DNAH2: variants seen among roughly 807,000 people sequenced by gnomAD.
The protein encoded by DNAH2 is dynein axonemal heavy chain 2, also known as axonemal beta dynein heavy chain 2.
In DNAH2, 323 loss-of-function variants were observed where a neutral mutation model predicts 523.5. That is an observed-to-expected ratio of 0.62 (90% CI 0.56 to 0.68). The LOEUF (loss-of-function observed/expected upper bound fraction) is 0.68. DNAH2 is among the 30% of genes least tolerant of loss of function. The pLI is 0.00. For synonymous variants in DNAH2, 2,093 were observed against 2,177.4 expected, an observed-to-expected ratio of 0.96 and a Z score of 1.08; for missense variants, 4,907 against 5,701.5, an observed-to-expected ratio of 0.86 and a Z score of 4.49.
chr17:7,787,061 C>A, intron 42 of DNAH2, 28 bp downstream of exon 42: 1 of 1,611,984 alleles, frequency 6.2e-7, no homozygotes, highest in Non-Finnish European at 8.5e-7. Context: ...CTCCTGGAGG[C>A]CTGCAGAGGC....
At position 7,786,542 on chromosome 17, in the gene DNAH2, C is replaced by T. The variant is rs2076739641; in HGVS notation, c.6349-28C>T. 6.2e-7 allele frequency: 1 copy of T among 1,603,168 alleles called. No homozygotes were observed. Among genetic ancestry groups the T allele is most frequent in the African/African-American group, 1.3e-5 (1 of 74,674 alleles). On this transcript the variant is annotated intron_variant, in intron 40 of 85. Transcript: ENST00000572933. This position sits in a 1 kb window ranked among gnomAD's most constrained non-coding sequence, Gnocchi z 7.5. ...AAGAGGGGTTTTTGTCCATCAGCAGCTAAAACCCCTTCCGGTGTCATTTTC... is the reference window on the plus strand; with the variant it reads ...AAGAGGGGTTTTTGTCCATCAGCAGTTAAAACCCCTTCCGGTGTCATTTTC...
intron 77 of DNAH2, among the ~76,000 whole-genome samples, chr17:7,826,599 G>T (rs1172084197): frequency 6.8e-6 from 1 of 146,958 alleles, no homozygotes; most frequent in African/African-American, 2.5e-5. Context: ...GAGCGCAGTG[G>T]CGCCATCTCG....
In DNAH2 at chr17:7,833,050, C is replaced by T. The variant is rs774508738; in HGVS notation, c.12979-21C>T. On this transcript the variant is annotated intron_variant, in intron 84 of 85. Transcript: ENST00000572933. ...CAATTGAAGTCTAGCTTCTCCCAGA[C>T]CTGCTCCCATTTCTCCCCAGGATGG... 3 of 1,613,358 alleles carry T rather than the reference C, an allele frequency of 1.9e-6. No homozygotes were observed. In the South Asian group the frequency reaches 3.3e-5, roughly 18 times the overall value.
rs761606786 is a variant in DNAH2, at chr17:7,774,766, G to A, written c.4509G>A (p.Leu1503=). ...CATCGCTCTTCTTCCCAGGCCTCCT[G>A]GACACATTGATAGAAATGAATACAA... ...ALRSTHHPGL[L]DTLIEMNTIL... The change falls in exon 29 of 86, where the codon CTG becomes CTA. Residue 1503 remains leucine (L), a synonymous_variant. Coordinates refer to ENST00000572933, the MANE Select transcript of DNAH2 (RefSeq NM_020877.5). 4.3e-6 allele frequency: 7 copies of A among 1,613,844 alleles called. No homozygotes were observed. The South Asian group carries it at 4.4e-5, about 10-fold the overall frequency.
In DNAH2 at chr17:7,824,108, G is replaced by T. The variant is rs2077949906; in HGVS notation, c.11479-13G>T. The T allele has an allele frequency of 6.4e-7, 1 of 1,560,724 alleles. No individual in the cohort carries two copies. Among genetic ancestry groups the T allele is most frequent in the East Asian group, 2.3e-5 (1 of 44,348 alleles). The stretch of plus-strand genomic sequence containing the variant: ...TGGCCTTCTGCCTGATGCTATACCT[G>T]TGCTTCTGGCAGGTGCTGGAGGATT... On this transcript the variant is annotated splice_polypyrimidine_tract_variant and intron_variant, in intron 75 of 85. Coordinates refer to ENST00000572933, the MANE Select transcript of DNAH2 (RefSeq NM_020877.5).
In DNAH2 at chr17:7,824,151, C is replaced by A; in HGVS notation, c.11509C>A (p.Leu3837Ile). The A allele has an allele frequency of 6.3e-7, 1 of 1,577,082 alleles. No individual in the cohort carries two copies. The highest frequency in any genetic ancestry group is 8.6e-7 in the Non-Finnish European group (1 of 1,164,350). ...GGAGGATTCAACCCCACGATCCCCA[C>A]TCGTGTTCATCCTGTCCCCTGGTGT... is the stretch of plus-strand genomic sequence containing the variant. ...VLEDSTPRSP[L>I]VFILSPGVDP... Residue 3837 changes from leucine to isoleucine, a missense_variant, in exon 76 of 86, where the codon CTC (leucine) becomes ATC (isoleucine). Leu to Ile is a conservative substitution (Grantham distance 5, BLOSUM62 2). This residue lies in a region of DNAH2 where 1,851 missense variants were observed against 2,139.4 expected (regional missense o/e 0.87). Coordinates refer to ENST00000572933, the MANE Select transcript of DNAH2 (RefSeq NM_020877.5).
chr17:7,757,086 C>G lies in DNAH2; in HGVS notation c.1905-5C>G, dbSNP rs778514183. On this transcript the variant is annotated splice_polypyrimidine_tract_variant and splice_region_variant and intron_variant, in intron 12 of 85. Transcript: ENST00000572933. ...CCCTCACTGCCTGGCTGCTCTCTCT[C>G]AAAGGTCCCTTCTGATTCTCTTTGC... is the stretch of plus-strand genomic sequence containing the variant. 2 of 1,614,092 alleles carry G rather than the reference C, an allele frequency of 1.2e-6. No homozygotes were observed. The highest frequency in any genetic ancestry group is 1.7e-6 in the Non-Finnish European group (2 of 1,179,956).
intron 59 of DNAH2, 64 bp from the exon 60 acceptor site, chr17:7,804,894 C>T (rs1226394809): frequency 3.7e-6 from 5 of 1,349,794 alleles, no homozygotes; most frequent in African/African-American, 2.9e-5. Flanking sequence ...TTTCCACCAA[C>T]ACCGTCACTC....
chr17:7,803,737 G>T (rs2077286049), intron 58 of DNAH2, among the ~76,000 whole-genome samples: 1 of 152,214 alleles, frequency 6.6e-6, no homozygotes, highest in Admixed American at 6.6e-5. Flanking sequence ...CACGTTGGGA[G>T]GCTGAGGTGG....
chr17:7,738,359 T>C (rs2075203152), intron 8 of DNAH2, among the ~76,000 whole-genome samples: 1 of 152,134 alleles, frequency 6.6e-6, no homozygotes, highest in Non-Finnish European at 1.5e-5. Context: ...AGACAGAGTC[T>C]TGGTCTGCCA....
chr17:7,722,187 C>CA, intron 2 of DNAH2, among the ~76,000 whole-genome samples: 1 of 144,482 alleles, frequency 6.9e-6, no homozygotes, highest in Middle Eastern at 3.5e-3. Context: ...TTTATAGAGA[C>CA]GGGGGGGGGG....
chr17:7,810,049 C>T (rs1319083896), intron 63 of DNAH2, among the ~76,000 whole-genome samples: 1 of 147,306 alleles, frequency 6.8e-6, no homozygotes, highest in South Asian at 2.1e-4. Context: ...TTTCTTCTTT[C>T]TTTTCTTTCT....
At position 7,818,829 on chromosome 17, in the gene DNAH2, C is replaced by T. The variant is rs928532295; in HGVS notation, c.10670+53C>T. The T allele has an allele frequency of 5.6e-6, 9 of 1,611,486 alleles. No homozygotes were observed. In the African/African-American group the frequency reaches 1.2e-4, roughly 22 times the overall value. Reference sequence around the variant, plus strand: ...CCCCACGGGTCTACTCCCAGCCAGCCTCCACCCAGTCTACCCCAGGCACAA... The same window carrying T: ...CCCCACGGGTCTACTCCCAGCCAGCTTCCACCCAGTCTACCCCAGGCACAA... On this transcript the variant is annotated intron_variant, in intron 70 of 85. Coordinates refer to ENST00000572933, the MANE Select transcript of DNAH2 (RefSeq NM_020877.5).
At chr17:7,789,593 T>TC (rs1452932855) in intron 44 of DNAH2, among the ~76,000 whole-genome samples, 1 of 151,688 alleles carries the variant, frequency 6.6e-6, no homozygotes, top group East Asian at 1.9e-4. Flanking sequence ...TTTTTTTTTT[T>TC]TGAGATGGAG....
rs1436768967 is a variant in DNAH2, at chr17:7,758,704, T to C, written c.2208+53T>C. 14 of 1,581,546 alleles carry C rather than the reference T, an allele frequency of 8.9e-6. No individual in the cohort carries two copies. In the East Asian group the frequency reaches 3.1e-4, roughly 36 times the overall value. ...GTCTGCAAGGCTGATGGGTCATTTA[T>C]ACCTGAGTGTTGCATAGAGATTGGG... On this transcript the variant is annotated intron_variant, in intron 14 of 85. Transcript: ENST00000572933.
rs1399421868 is a variant in DNAH2 at position 7,754,588 on chromosome 17, G to A, written c.1905-2503G>A. 2.7e-6 allele frequency: 4 copies of A among 1,500,050 alleles called. No individual in the cohort carries two copies. The highest frequency in any genetic ancestry group is 1.1e-5 in the South Asian group (1 of 88,860). The allele number at this position is 1,500,050 out of a possible 1,614,324, so 92.9% of individuals were successfully genotyped here. Reference sequence around the variant, plus strand: ...AACAATGCCAAGGCCATGAGTCCACGTGCCGAGGCTCTCAAGGCCCTCGTA... The same window carrying A: ...AACAATGCCAAGGCCATGAGTCCACATGCCGAGGCTCTCAAGGCCCTCGTA... On this transcript the variant is annotated intron_variant, in intron 12 of 85. Coordinates refer to ENST00000572933, the MANE Select transcript of DNAH2 (RefSeq NM_020877.5). This position sits in a 1 kb window ranked among gnomAD's most constrained non-coding sequence, Gnocchi z 4.6.
chr17:7,778,031 C>A, intron 33 of DNAH2, 46 bp from the exon 34 acceptor site: 1 of 1,541,428 alleles, frequency 6.5e-7, no homozygotes, highest in Non-Finnish European at 9.0e-7. Context: ...AGCTCTAACT[C>A]TCCTTCCAAG....
chr17:7,778,104 A>G lies in DNAH2; in HGVS notation c.5275A>G (p.Thr1759Ala), dbSNP rs2076505942. 1 of 1,613,982 alleles carries G rather than the reference A, an allele frequency of 6.2e-7. No individual in the cohort carries two copies. The highest frequency in any genetic ancestry group is 1.1e-5 in the South Asian group (1 of 91,078). The stretch of plus-strand genomic sequence containing the variant: ...TCTTGATGACTGTGTCATCCGCCAG[A>G]CCAACACGCAATTTCAGTATAATTA... ...KDLDDCVIRQ[T>A]NTQFQYNYEY... Residue 1759 changes from threonine to alanine, a missense_variant, in exon 34 of 86, where the codon ACC (threonine) becomes GCC (alanine). By Grantham distance (58) the Thr-to-Ala change is moderately conservative (BLOSUM62 0). Coordinates refer to ENST00000572933, the MANE Select transcript of DNAH2 (RefSeq NM_020877.5).
chr17:7,768,228 C>T lies in DNAH2; in HGVS notation c.3902C>T (p.Pro1301Leu), dbSNP rs1044733137. The T allele has an allele frequency of 6.2e-7, 1 of 1,614,142 alleles. No homozygotes were observed. Among genetic ancestry groups the T allele is most frequent in the Non-Finnish European group, 8.5e-7 (1 of 1,180,024 alleles). The change falls in exon 24 of 86, where the codon CCT (proline) becomes CTT (leucine). Residue 1301 changes from proline (P) to leucine (L), a missense_variant. Physicochemically the swap from Pro to Leu is moderately conservative, Grantham distance 98 (BLOSUM62 -3). Coordinates refer to ENST00000572933, the MANE Select transcript of DNAH2 (RefSeq NM_020877.5). ...ATAGAGCAGTTCAAGAGGACCATGC[C>T]TCTCATCTCAGACCTGCGGAACCCT... is the stretch of plus-strand genomic sequence containing the variant. ...SKIEQFKRTM[P>L]LISDLRNPAL...
Sources: gnomAD v4.1 joint callset for allele counts (sites outside exome capture counted in the v4.1 genomes callset) on GRCh38, gnomAD v4.1.1 for gene constraint, gnomAD v4.1.1 regional missense constraint, Gnocchi (gnomAD v3.1) non-coding constraint, MANE v1.5 for transcripts, NCBI Gene and HGNC (gene_info 2026-07-23, HGNC 2026-07-21) for gene names.